MEI4: variants seen among roughly 807,000 people sequenced by gnomAD.
The protein encoded by MEI4 is meiotic double-stranded break formation protein 4.
In MEI4, 27 loss-of-function variants were observed where a neutral mutation model predicts 31.4. That is an observed-to-expected ratio of 0.86 (90% CI 0.63 to 1.19). MEI4 has a LOEUF of 1.19. Among genes scored for constraint, MEI4 ranks in the 50% most tolerant of loss-of-function variants. The probability of loss-of-function intolerance (pLI) is 0.00; values close to 1 mark genes in which losing one functional copy is unlikely to be tolerated. For missense variants in MEI4, 329 were observed against 398.9 expected (o/e 0.82, Z 1.49); for synonymous variants, 122 against 145.4 (o/e 0.84, Z 1.16).
chr6:77,767,720 C>CAT (rs572661985), intron 3 of MEI4, among the ~76,000 whole-genome samples: 33 of 148,430 alleles, frequency 2.2e-4, no homozygotes, highest in African/African-American at 8.0e-4. Flanking sequence ...CACACACACA[C>CAT]GGAAAAATCT....
intron 1 of MEI4, among the ~76,000 whole-genome samples, chr6:77,679,389 A>T (rs1316104648): frequency 6.6e-6 from 1 of 150,916 alleles, no homozygotes; most frequent in Non-Finnish European, 1.5e-5. Context: ...ATTTAGATAC[A>T]CAAATATTTA....
chr6:77,726,493 C>G (rs569671989), intron 2 of MEI4, among the ~76,000 whole-genome samples: 1 of 152,198 alleles, frequency 6.6e-6, no homozygotes, highest in East Asian at 1.9e-4. Flanking sequence ...AACAAGGAAG[C>G]GTAGAGCATC....
At chr6:77,802,665 G>A (rs1250109472) in intron 3 of MEI4, among the ~76,000 whole-genome samples, 1 of 152,088 alleles carries the variant, frequency 6.6e-6, no homozygotes, top group African/African-American at 2.4e-5. Flanking sequence ...GGACAGGCCT[G>A]GTGGTGACAA....
Position 77,820,527 on chromosome 6 carries a change from A to C in MEI4, c.769-8404A>C, listed in dbSNP as rs1562001667. 6.6e-6 allele frequency among the ~76,000 whole-genome samples: 1 copy of C among 152,132 alleles called. No individual in the cohort carries two copies. On this transcript the variant is annotated intron_variant, in intron 3 of 4. Transcript: ENST00000684080. This position sits in a 1 kb window ranked among gnomAD's most constrained non-coding sequence, Gnocchi z 4.5. ...GCAATTCGCCTGCCTAGGCCTCCCA[A>C]ATTGCTGGGATTACAGTCATGAGCC... is the stretch of plus-strand genomic sequence containing the variant.
intron 4 of MEI4, among the ~76,000 whole-genome samples, chr6:77,897,524 A>G (rs9343688): frequency 6.6e-6 from 1 of 151,892 alleles, no homozygotes; most frequent in Non-Finnish European, 1.5e-5. Context: ...TGTTATATAT[A>G]TATATCTTTC....
chr6:77,735,649 C>T (rs961518726), intron 2 of MEI4, among the ~76,000 whole-genome samples: 4 of 152,100 alleles, frequency 2.6e-5, no homozygotes, highest in African/African-American at 9.7e-5. Flanking sequence ...AAGTCATTCT[C>T]TGTCCAGCTT....
intron 4 of MEI4, among the ~76,000 whole-genome samples, chr6:77,908,332 G>C (rs1766348160): frequency 6.6e-6 from 1 of 152,124 alleles, no homozygotes; most frequent in Non-Finnish European, 1.5e-5. Context: ...TGTATAAGGT[G>C]TAAGGAAGGG....
chr6:77,776,575 A>G (rs919794666), intron 3 of MEI4, among the ~76,000 whole-genome samples: 1 of 152,140 alleles, frequency 6.6e-6, no homozygotes, highest in Non-Finnish European at 1.5e-5. Flanking sequence ...TGAAGGATGT[A>G]AAACTGGAAC....
intron 4 of MEI4, among the ~76,000 whole-genome samples, chr6:77,840,754 T>A (rs943789706): frequency 6.6e-6 from 1 of 152,164 alleles, no homozygotes; most frequent in Non-Finnish European, 1.5e-5. Context: ...TACCCATCTA[T>A]TTCTTTTTAT....
intron 4 of MEI4, among the ~76,000 whole-genome samples, chr6:77,859,878 A>G (rs188492383): frequency 6.6e-6 from 1 of 152,298 alleles, no homozygotes; most frequent in Non-Finnish European, 1.5e-5. Context: ...TCTGATCCAC[A>G]GTGATCATTA....
At chr6:77,877,623 A>T (rs1446946235) in intron 4 of MEI4, among the ~76,000 whole-genome samples, 3 of 151,990 alleles carry the variant, frequency 2.0e-5, no homozygotes, top group East Asian at 3.9e-4. Context: ...CTGGCCCTTT[A>T]CAAAATGAAT....
intron 4 of MEI4, among the ~76,000 whole-genome samples, chr6:77,848,141 G>A (rs1770530402): frequency 6.6e-6 from 1 of 152,128 alleles, no homozygotes; most frequent in Non-Finnish European, 1.5e-5. Flanking sequence ...GCAACTATAA[G>A]GTATAATGAT....
chr6:77,730,925 A>G (rs1033610805), intron 2 of MEI4, among the ~76,000 whole-genome samples: 2 of 151,512 alleles, frequency 1.3e-5, no homozygotes, highest in African/African-American at 2.4e-5. Context: ...CTGATTTCCA[A>G]TTTCATCCAT....
intron 2 of MEI4, among the ~76,000 whole-genome samples, chr6:77,759,114 A>G (rs996686063): frequency 2.6e-5 from 4 of 152,106 alleles, no homozygotes; most frequent in Non-Finnish European, 1.5e-5. Flanking sequence ...TCCAACAGAC[A>G]TTTTTTCAAC....
intron 3 of MEI4, among the ~76,000 whole-genome samples, chr6:77,800,688 A>T (rs1463810256): frequency 6.6e-6 from 1 of 151,510 alleles, no homozygotes; most frequent in Non-Finnish European, 1.5e-5. Flanking sequence ...TTTAGTCAGA[A>T]TTTTTAGCAT....
chr6:77,736,563 C>T (rs1303311821), intron 2 of MEI4, among the ~76,000 whole-genome samples: 1 of 152,074 alleles, frequency 6.6e-6, no homozygotes, highest in Admixed American at 6.5e-5. Flanking sequence ...GAACCCTGTA[C>T]CTCAGATGGA....
chr6:77,780,986 A>G (rs1486809674), intron 3 of MEI4, among the ~76,000 whole-genome samples: 1 of 152,118 alleles, frequency 6.6e-6, no homozygotes, highest in African/African-American at 2.4e-5. Flanking sequence ...TCCTGGGCTC[A>G]AGTGATCCTC....
At chr6:77,762,737 T>G (rs2127683203) in intron 3 of MEI4, among the ~76,000 whole-genome samples, 1 of 152,294 alleles carries the variant, frequency 6.6e-6, no homozygotes, top group East Asian at 1.9e-4. Flanking sequence ...AAGGTATGAT[T>G]TGATCAATAT....
intron 3 of MEI4, among the ~76,000 whole-genome samples, chr6:77,799,301 G>A (rs1243157821): frequency 6.6e-6 from 1 of 152,162 alleles, no homozygotes; most frequent in Non-Finnish European, 1.5e-5. Context: ...CTTTTGAGAA[G>A]TGTCTGTTCA....
Sources: gnomAD v4.1 joint callset for allele counts (sites outside exome capture counted in the v4.1 genomes callset) on GRCh38, gnomAD v4.1.1 for gene constraint, Gnocchi (gnomAD v3.1) non-coding constraint, MANE v1.5 for transcripts, NCBI Gene and HGNC (gene_info 2026-07-23, HGNC 2026-07-21) for gene names.